Variants in ITPR1 observed in about 807,000 individuals in gnomAD.
ITPR1 encodes the protein inositol 1,4,5-trisphosphate-gated calcium channel ITPR1.
A neutral mutation model predicts 318.4 loss-of-function variants in ITPR1; 96 were observed. The observed-to-expected ratio is 0.30, with a 90% CI of 0.26 to 0.36. The LOEUF (loss-of-function observed/expected upper bound fraction) is 0.36, where lower values mean the gene tolerates loss of function less well. Among genes scored for constraint, ITPR1 ranks in the 10% least tolerant of loss-of-function variants. The pLI is 1.00. For missense variants in ITPR1, 2,440 were observed against 3,460.2 expected (o/e 0.71, Z 7.40); for synonymous variants, 1,312 against 1,289.9 (o/e 1.02, Z -0.37).
At chr3:4,633,328 C>G (rs534423005) in intron 5 of ITPR1, among the ~76,000 whole-genome samples, 13 of 152,216 alleles carry the variant, frequency 8.5e-5, no homozygotes, top group African/African-American at 3.1e-4. Flanking sequence ...TTAAAGTTAT[C>G]TACATATTTC....
chr3:4,519,040 T>A (rs1405917617), intron 3 of ITPR1, among the ~76,000 whole-genome samples: 3 of 152,102 alleles, frequency 2.0e-5, no homozygotes, highest in Non-Finnish European at 4.4e-5. Flanking sequence ...AACATCCCCC[T>A]CGTTAAGAAT....
intron 4 of ITPR1, among the ~76,000 whole-genome samples, chr3:4,618,484 C>A (rs11130084): frequency 6.6e-6 from 1 of 152,142 alleles, no homozygotes; most frequent in South Asian, 2.1e-4. Context: ...TCTGGCTAAA[C>A]TAATATTCAG....
intron 55 of ITPR1, among the ~76,000 whole-genome samples, chr3:4,810,075 A>T (rs2048838412): frequency 1.3e-5 from 2 of 152,222 alleles, no homozygotes; most frequent in Non-Finnish European, 2.9e-5. Flanking sequence ...CTCAGAGATC[A>T]GCTGTCTCAG....
At chr3:4,539,651 G>A (rs921877850) in intron 4 of ITPR1, among the ~76,000 whole-genome samples, 1 of 152,182 alleles carries the variant, frequency 6.6e-6, no homozygotes, top group African/African-American at 2.4e-5. Context: ...GTGTTGAGAA[G>A]TGGGGCCTTT....
At chr3:4,842,680 T>C (rs943812346) in intron 61 of ITPR1, among the ~76,000 whole-genome samples, 1 of 152,222 alleles carries the variant, frequency 6.6e-6, no homozygotes, top group African/African-American at 2.4e-5. Context: ...TTAAATGTAC[T>C]ATAAATGAGA....
Position 4,811,715 on chromosome 3 carries a change from T to G in ITPR1, c.7468+255T>G, listed in dbSNP as rs149817671. On this transcript the variant is annotated intron_variant, in intron 56 of 61. Coordinates refer to ENST00000649015, the MANE Select transcript of ITPR1 (RefSeq NM_001378452.1). ...CATCATCTTTTAAACTAGTGCAACTTTTTTGTAAAGCAGTGACCATACATA... is the reference window on the plus strand; with the variant it reads ...CATCATCTTTTAAACTAGTGCAACTGTTTTGTAAAGCAGTGACCATACATA... Among the ~76,000 whole-genome samples the G allele has an allele frequency of 2.7e-3, 418 of 152,356 alleles. 5 individuals carry two copies. The highest frequency in any genetic ancestry group is 9.6e-3 in the African/African-American group (401 of 41,574).
intron 4 of ITPR1, among the ~76,000 whole-genome samples, chr3:4,568,933 C>A (rs2087684708): frequency 6.6e-6 from 1 of 152,110 alleles, no homozygotes; most frequent in South Asian, 2.1e-4. Flanking sequence ...CCTCAGGGAA[C>A]TTTTAGCCAT....
At chr3:4,828,895 C>A (rs1190572198) in intron 60 of ITPR1, among the ~76,000 whole-genome samples, 1 of 152,188 alleles carries the variant, frequency 6.6e-6, no homozygotes, top group African/African-American at 2.4e-5. Context: ...GGATACCCTT[C>A]ATGTGGCTTA....
Position 4,782,564 on chromosome 3 carries a change from T to A in ITPR1, c.6388-55T>A. The A allele has an allele frequency of 1.9e-6, 3 of 1,556,072 alleles. No homozygotes were observed. In the South Asian group the frequency reaches 3.7e-5, roughly 19 times the overall value. ...GCCAGTGTGCATGCTGTCCATCCAG[T>A]CCTGTGTGGGTCTTCCTTGAAACAG... On this transcript the variant is annotated intron_variant, in intron 49 of 61. Transcript: ENST00000649015.
In ITPR1 at chr3:4,735,100, A is replaced by G. The variant is rs11920001; in HGVS notation, c.5354-64A>G. ...AGTGCATAAAGTGTTGGTGCGTAGT[A>G]AGTATGCAGCAAACATTAGCTGTTC... On this transcript the variant is annotated intron_variant, in intron 43 of 61. Coordinates refer to ENST00000649015, the MANE Select transcript of ITPR1 (RefSeq NM_001378452.1). 0.15 allele frequency: 197,734 copies of G among 1,280,112 alleles called. 16,555 individuals are homozygous for G. Among genetic ancestry groups the G allele is most frequent in the African/African-American group, 0.25 (17,148 of 68,478 alleles). The allele number at this position is 1,280,112 out of a possible 1,614,324, so 79.3% of individuals were successfully genotyped here. A position where few individuals can be genotyped will look rare whatever the true frequency, so the allele number is the denominator to read the frequency against.
At chr3:4,516,034 A>C (rs1369004320) in intron 2 of ITPR1, among the ~76,000 whole-genome samples, 1 of 152,270 alleles carries the variant, frequency 6.6e-6, no homozygotes, top group East Asian at 1.9e-4. Context: ...TGCCAGAAGC[A>C]GGTTTTTATA....
At chr3:4,717,321 T>A in intron 39 of ITPR1, 46 bp from the exon 40 acceptor site, 1 of 1,506,614 alleles carries the variant, frequency 6.6e-7, no homozygotes, top group Non-Finnish European at 9.1e-7. Flanking sequence ...TTGTATTTCC[T>A]TTCCTAACAT....
At chr3:4,685,350 T>TA in intron 30 of ITPR1, 144 bp downstream of exon 30, 1 of 786,406 alleles carries the variant, frequency 1.3e-6, no homozygotes, top group Non-Finnish European at 1.9e-6. Context: ...CAGGTATTGA[T>TA]ATGAAACAGA....
chr3:4,541,255 G>A (rs1390292880), intron 4 of ITPR1, among the ~76,000 whole-genome samples: 1 of 152,006 alleles, frequency 6.6e-6, no homozygotes, highest in African/African-American at 2.4e-5. Flanking sequence ...CACATTCTTA[G>A]AATTTGGAGA....
Position 4,673,302 on chromosome 3 carries a change from G to A in ITPR1, c.2371G>A (p.Val791Met). ...CTGCCGCCTCATGCTTCACATGCATGTGGACCGAGATCCCCAGGAACAAGT... is the reference window on the plus strand; with the variant it reads ...CTGCCGCCTCATGCTTCACATGCATATGGACCGAGATCCCCAGGAACAAGT... ...SFCRLMLHMHVDRDPQEQVTP... is the reference protein window; with the variant it reads ...SFCRLMLHMHMDRDPQEQVTP... The change falls in exon 21 of 62, where the codon GTG becomes ATG. Residue 791 changes from valine (V) to methionine (M), a missense_variant. Val to Met is a conservative substitution (Grantham distance 21). Transcript: ENST00000649015. The A allele has an allele frequency of 1.2e-6, 2 of 1,613,948 alleles. No individual in the cohort carries two copies. Among genetic ancestry groups the A allele is most frequent in the Non-Finnish European group, 1.7e-6 (2 of 1,179,876 alleles).
chr3:4,738,647 G>A (rs929532726), intron 44 of ITPR1, among the ~76,000 whole-genome samples: 1 of 152,228 alleles, frequency 6.6e-6, no homozygotes, highest in African/African-American at 2.4e-5. Flanking sequence ...GAGATGCCAT[G>A]TTTTTCACGG....
At chr3:4,568,801 T>C (rs1280098945) in intron 4 of ITPR1, among the ~76,000 whole-genome samples, 2 of 152,188 alleles carry the variant, frequency 1.3e-5, no homozygotes, top group Admixed American at 1.3e-4. Context: ...AGGCTTTTCT[T>C]GCATTGCTAT....
At chr3:4,801,863 C>T (rs1206860930) in intron 54 of ITPR1, among the ~76,000 whole-genome samples, 3 of 152,132 alleles carry the variant, frequency 2.0e-5, no homozygotes, top group Non-Finnish European at 2.9e-5. Context: ...TCTTTGGTTT[C>T]GTGGGCCCCA....
In ITPR1 at chr3:4,545,980, A is replaced by G. The variant is rs564621409; in HGVS notation, c.163+24886A>G. 6.6e-5 allele frequency among the ~76,000 whole-genome samples: 10 copies of G among 152,268 alleles called. No individual in the cohort carries two copies. In the South Asian group the frequency reaches 1.2e-3, roughly 19 times the overall value. ...CCAAAGTGCTGGGATTACAGGCGTGACATGTGATCTTGAGCGAAATATTTA... is the reference window on the plus strand; with the variant it reads ...CCAAAGTGCTGGGATTACAGGCGTGGCATGTGATCTTGAGCGAAATATTTA... On this transcript the variant is annotated intron_variant, in intron 4 of 61. Transcript: ENST00000649015.
Sources: allele counts gnomAD v4.1 joint callset (sites outside exome capture counted in the v4.1 genomes callset), GRCh38; gene constraint gnomAD v4.1.1; transcripts MANE v1.5; gene names NCBI Gene and HGNC (gene_info 2026-07-23, HGNC 2026-07-21).